The following PLCL2 variants were observed in gnomAD, a reference collection of about 807,000 sequenced individuals.
The protein encoded by PLCL2 is phospholipase C like 2.
In PLCL2, 4 loss-of-function variants were observed where a neutral mutation model predicts 79.6. That is an observed-to-expected ratio of 0.05 (90% CI 0.02 to 0.11). The LOEUF (loss-of-function observed/expected upper bound fraction) is 0.11, where lower values mean the gene tolerates loss of function less well. PLCL2 is among the 10% of genes least tolerant of loss of function. The pLI is 1.00. For missense variants in PLCL2, 895 were observed against 1,291.0 expected, an observed-to-expected ratio of 0.69 and a Z score of 4.70; for synonymous variants, 484 against 457.7, an observed-to-expected ratio of 1.06 and a Z score of -0.73.
rs936063869 is a variant in PLCL2 at position 17,068,180 on chromosome 3, T to C, written c.3204+115T>C. Reference sequence around the variant, plus strand: ...ATGGTCAGCCACTGAGATTGTAGAATGGATGCAGAAATCACATGAAGAACT... The same window carrying C: ...ATGGTCAGCCACTGAGATTGTAGAACGGATGCAGAAATCACATGAAGAACT... On this transcript the variant is annotated intron_variant, in intron 5 of 5. Transcript: ENST00000615277. 18 of 629,834 alleles carry C rather than the reference T, an allele frequency of 2.9e-5. No homozygotes were observed. In the Middle Eastern group the frequency reaches 7.8e-4, roughly 27 times the overall value. 39.0% of individuals were successfully genotyped at this position (629,834 alleles called of 1,614,324 possible). A position where few individuals can be genotyped will look rare whatever the true frequency, so the allele number is the denominator to read the frequency against.
chr3:16,952,118 G>A (rs934186641), intron 1 of PLCL2, among the ~76,000 whole-genome samples: 19 of 151,680 alleles, frequency 1.3e-4, no homozygotes, highest in Non-Finnish European at 2.6e-4. Context: ...TCATAAGTGG[G>A]AGTTGAACAA....
At chr3:16,962,353 C>T (rs1368561464) in intron 1 of PLCL2, among the ~76,000 whole-genome samples, 3 of 151,992 alleles carry the variant, frequency 2.0e-5, no homozygotes, top group Non-Finnish European at 4.4e-5. Context: ...TGCTGCTTAG[C>T]CTGCCCCACG....
chr3:17,071,057 G>A (rs947268513), intron 5 of PLCL2, among the ~76,000 whole-genome samples: 2 of 152,108 alleles, frequency 1.3e-5, no homozygotes, highest in African/African-American at 4.8e-5. Context: ...TTTCTTGGGG[G>A]ATTCTGAGGC....
chr3:16,960,152 T>C (rs2063742218), intron 1 of PLCL2, among the ~76,000 whole-genome samples: 1 of 152,164 alleles, frequency 6.6e-6, no homozygotes, highest in South Asian at 2.1e-4. Context: ...TCAAAATTCC[T>C]TCCTTCAGCA....
chr3:17,031,323 T>C (rs1575595768), intron 3 of PLCL2, among the ~76,000 whole-genome samples: 1 of 152,200 alleles, frequency 6.6e-6, no homozygotes, highest in African/African-American at 2.4e-5. Context: ...AAAGTGGCTG[T>C]GGACTACATC....
At chr3:16,989,746 T>C (rs1575573860) in intron 1 of PLCL2, among the ~76,000 whole-genome samples, 1 of 152,278 alleles carries the variant, frequency 6.6e-6, no homozygotes, top group East Asian at 1.9e-4. Flanking sequence ...GTCCACCCCA[T>C]AAATACAAAT....
chr3:17,033,635 C>T (rs1164293942), intron 3 of PLCL2, among the ~76,000 whole-genome samples: 1 of 152,138 alleles, frequency 6.6e-6, no homozygotes, highest in African/African-American at 2.4e-5. Flanking sequence ...TTCTTCAATT[C>T]ACAAAATGTG....
chr3:16,966,406 T>A (rs1292563353), intron 1 of PLCL2, among the ~76,000 whole-genome samples: 1 of 152,212 alleles, frequency 6.6e-6, no homozygotes. Context: ...AATGTGTTGC[T>A]GGATTCGGTT....
intron 3 of PLCL2, among the ~76,000 whole-genome samples, chr3:17,025,054 A>G (rs1441609128): frequency 1.3e-5 from 2 of 152,158 alleles, no homozygotes; most frequent in Non-Finnish European, 2.9e-5. Context: ...GTTGAATTTA[A>G]TTAGTTGTCC....
chr3:16,952,251 A>G (rs2124960237), intron 1 of PLCL2, among the ~76,000 whole-genome samples: 1 of 150,778 alleles, frequency 6.6e-6, no homozygotes, highest in Middle Eastern at 3.4e-3. Flanking sequence ...AACCTAGATG[A>G]CAGGTTGATA....
intron 1 of PLCL2, among the ~76,000 whole-genome samples, chr3:16,985,854 C>G (rs2064044562): frequency 6.6e-6 from 1 of 152,136 alleles, no homozygotes; most frequent in Admixed American, 6.5e-5. Flanking sequence ...GCAAAAGAAA[C>G]AGACTGGTCA....
chr3:16,987,670 C>T (rs1444333762), intron 1 of PLCL2, among the ~76,000 whole-genome samples: 4 of 152,050 alleles, frequency 2.6e-5, no homozygotes, highest in Non-Finnish European at 5.9e-5. Flanking sequence ...ACTAAAGAGA[C>T]AAATGCTGCC....
chr3:16,965,883 C>T (rs952083315), intron 1 of PLCL2, among the ~76,000 whole-genome samples: 1 of 152,078 alleles, frequency 6.6e-6, no homozygotes, highest in African/African-American at 2.4e-5. Flanking sequence ...TATCCTGAGA[C>T]TTTGCTGAAG....
chr3:16,951,488 A>G (rs2063651444), intron 1 of PLCL2, among the ~76,000 whole-genome samples: 1 of 151,972 alleles, frequency 6.6e-6, no homozygotes, highest in African/African-American at 2.4e-5. Context: ...CATTAACTCT[A>G]CTATTTTCTG....
At chr3:17,012,272 T>G in intron 2 of PLCL2, 112 bp downstream of exon 2, 2 of 916,860 alleles carry the variant, frequency 2.2e-6, no homozygotes, top group Non-Finnish European at 3.1e-6. Context: ...GTTTTTAAAT[T>G]CTGATTAGTT....
At chr3:16,930,538 T>G (rs1012149776) in intron 1 of PLCL2, among the ~76,000 whole-genome samples, 1 of 152,212 alleles carries the variant, frequency 6.6e-6, no homozygotes, top group African/African-American at 2.4e-5. Flanking sequence ...GTGTACTGTT[T>G]TCTTAAACTC....
At chr3:16,961,554 C>T (rs188918287) in intron 1 of PLCL2, among the ~76,000 whole-genome samples, 28 of 152,312 alleles carry the variant, frequency 1.8e-4, no homozygotes, top group Admixed American at 1.4e-3. Context: ...TGAAGGGTAA[C>T]TGGCAGAGTG....
In PLCL2 at chr3:17,004,249, G is replaced by C. The variant is rs570021361; in HGVS notation, c.328-5425G>C. On this transcript the variant is annotated intron_variant, in intron 1 of 5. Coordinates refer to ENST00000615277, the MANE Select transcript of PLCL2 (RefSeq NM_001144382.2). The stretch of plus-strand genomic sequence containing the variant: ...AAGTGATATTCTGTTTTGGCTTTCT[G>C]TGTTGTAAACCGCCATCTAAACTTT... Among the ~76,000 whole-genome samples, 7 of 152,222 alleles carry C rather than the reference G, an allele frequency of 4.6e-5. No individual in the cohort carries two copies. In the South Asian group the frequency reaches 1.5e-3, roughly 32 times the overall value.
chr3:17,085,080 T>C (rs1200577660), intron 5 of PLCL2, among the ~76,000 whole-genome samples: 1 of 152,184 alleles, frequency 6.6e-6, no homozygotes, highest in East Asian at 1.9e-4. Flanking sequence ...TGAGCAATTA[T>C]GGCAGGGTTG....
Sources: allele counts gnomAD v4.1 joint callset (sites outside exome capture counted in the v4.1 genomes callset), GRCh38; gene constraint gnomAD v4.1.1; transcripts MANE v1.5; gene names NCBI Gene and HGNC (gene_info 2026-07-23, HGNC 2026-07-21).